SEMA3F: variants seen among roughly 807,000 people sequenced by gnomAD.
SEMA3F encodes the protein semaphorin 3F.
Under a neutral mutation model 98.5 loss-of-function variants are expected in SEMA3F, and 30 were observed. That is an observed-to-expected ratio of 0.30 (90% CI 0.23 to 0.41). SEMA3F has a LOEUF of 0.41. Ranked by LOEUF, SEMA3F falls within the 10% of genes least tolerant of loss-of-function variation. SEMA3F has a pLI of 1.00. For missense variants in SEMA3F, 866 were observed against 1,119.3 expected (o/e 0.77, Z 3.23); for synonymous variants, 380 against 444.8 (o/e 0.85, Z 1.83).
chr3:50,186,090 G>C, intron 16 of SEMA3F, 44 bp downstream of exon 16: 1 of 1,572,732 alleles, frequency 6.4e-7, no homozygotes, highest in Non-Finnish European at 8.7e-7. Flanking sequence ...CCAGTCCCAG[G>C]GCCCTATCCT....
In SEMA3F at chr3:50,188,050, C is replaced by T. The variant is rs772622323; in HGVS notation, c.2293C>T (p.Arg765Trp). ...PSPREAPGAP[R>W]SPEPQDQKKP... The stretch of plus-strand genomic sequence containing the variant: ...CCCCAGGGAGGCTCCAGGGGCACCC[C>T]GGTCTCCTGAGCCCCAGGACCAGAA... The change falls in exon 19 of 19, where the codon CGG becomes TGG. Residue 765 changes from arginine to tryptophan, a missense_variant. Arg to Trp is a moderately radical substitution (Grantham distance 101, BLOSUM62 -3). Around this residue, in one of 3 missense-constraint regions of SEMA3F, gnomAD observed 245 missense variants for 260.5 expected, o/e 0.94. Transcript: ENST00000002829. The surrounding 1 kb of genome is among the most constrained non-coding windows in gnomAD (Gnocchi z 4.5). 8.8e-6 allele frequency: 14 copies of T among 1,587,048 alleles called. No homozygotes were observed. Among genetic ancestry groups the T allele is most frequent in the African/African-American group, 1.4e-5 (1 of 74,044 alleles).
chr3:50,174,143 A>T (rs1559728479), intron 4 of SEMA3F, 29 bp downstream of exon 4: 1 of 1,613,966 alleles, frequency 6.2e-7, no homozygotes, highest in Non-Finnish European at 8.5e-7. Context: ...ACAGGTGGGA[A>T]GGGGGAATCC....
chr3:50,160,076 CG>C (rs920704387), intron 2 of SEMA3F, among the ~76,000 whole-genome samples: 1 of 152,134 alleles, frequency 6.6e-6, no homozygotes, highest in African/African-American at 2.4e-5. Flanking sequence ...ATGTCTGCTG[CG>C]GCCCCTCCTT....
At chr3:50,169,336 A>G (rs916828805) in intron 2 of SEMA3F, among the ~76,000 whole-genome samples, 1 of 152,040 alleles carries the variant, frequency 6.6e-6, no homozygotes, top group Admixed American at 6.5e-5. Context: ...GTGCCTTGAG[A>G]AGGTCCTGCC....
Position 50,156,440 on chromosome 3 carries a change from G to C in SEMA3F, c.-49+876G>C, listed in dbSNP as rs1697987607. ...GCCACCAGAACATTACTGCTTGGGA[G>C]AGGTAAGGGAGACGCCAACCAAAGA... On this transcript the variant is annotated intron_variant, in intron 1 of 18. Transcript: ENST00000002829. This position sits in a 1 kb window ranked among gnomAD's most constrained non-coding sequence, Gnocchi z 4.5. Among the ~76,000 whole-genome samples the C allele has an allele frequency of 1.3e-5, 2 of 152,250 alleles. No homozygotes were observed. The highest frequency in any genetic ancestry group is 6.5e-5 in the Admixed American group (1 of 15,292).
intron 2 of SEMA3F, among the ~76,000 whole-genome samples, chr3:50,168,479 A>G (rs1424670446): frequency 6.6e-6 from 1 of 152,084 alleles, no homozygotes; most frequent in Non-Finnish European, 1.5e-5. Flanking sequence ...TGGCCTGATC[A>G]GGGTGGCGTT....
At position 50,176,864 on chromosome 3, in the gene SEMA3F, G is replaced by A; in HGVS notation, c.643+3G>A. ...GGACACAGCATCGGCCCTCATCAGT[G>A]AGTGCCCCCCAACCCCGCTCTACAG... On this transcript the variant is annotated splice_donor_region_variant and intron_variant, in intron 7 of 18. Transcript: ENST00000002829. 5 of 1,611,814 alleles carry A rather than the reference G, an allele frequency of 3.1e-6. No individual in the cohort carries two copies. The highest frequency in any genetic ancestry group is 3.4e-6 in the Non-Finnish European group (4 of 1,178,300).
At chr3:50,168,291 A>G (rs889381440) in intron 2 of SEMA3F, among the ~76,000 whole-genome samples, 3 of 151,880 alleles carry the variant, frequency 2.0e-5, no homozygotes, top group Non-Finnish European at 4.4e-5. Flanking sequence ...TCCCATCCAG[A>G]GCATAGGGGG....
intron 16 of SEMA3F, 37 bp from the exon 17 acceptor site, chr3:50,186,244 T>G (rs1699206487): frequency 3.1e-6 from 5 of 1,605,440 alleles, no homozygotes; most frequent in Non-Finnish European, 4.3e-6. Flanking sequence ...GGGGCAAGCT[T>G]CCTGGGAGCA....
chr3:50,166,401 A>G lies in SEMA3F; in HGVS notation c.112+6667A>G, dbSNP rs1418633223. ...TCCAAGGCTGAGTGGCTAGCACTCC[A>G]GGGGGCCTCTCCCAGGGCTGCCTGT... is the stretch of plus-strand genomic sequence containing the variant. On this transcript the variant is annotated intron_variant, in intron 2 of 18. Transcript: ENST00000002829. This position sits in a 1 kb window ranked among gnomAD's most constrained non-coding sequence, Gnocchi z 4.7. Among the ~76,000 whole-genome samples the G allele has an allele frequency of 6.6e-6, 1 of 152,208 alleles. No homozygotes were observed. The highest frequency in any genetic ancestry group is 1.5e-5 in the Non-Finnish European group (1 of 68,042).
At chr3:50,157,933 C>T (rs547863183) in intron 1 of SEMA3F, among the ~76,000 whole-genome samples, 56 of 152,314 alleles carry the variant, frequency 3.7e-4, no homozygotes, top group Non-Finnish European at 6.9e-4. Context: ...GGGACTCAGA[C>T]GGCATCTTGC....
chr3:50,174,661 G>A (rs1463537511), intron 5 of SEMA3F, among the ~76,000 whole-genome samples: 2 of 152,254 alleles, frequency 1.3e-5, no homozygotes, highest in Admixed American at 6.5e-5. Flanking sequence ...CCTGTGGACC[G>A]TGCCCCGACG....
chr3:50,184,912 A>G, intron 13 of SEMA3F, 98 bp downstream of exon 13: 2 of 811,940 alleles, frequency 2.5e-6, no homozygotes, highest in Non-Finnish European at 4.0e-6. Context: ...GCTTGCTGCA[A>G]GCTCATCAGA....
intron 2 of SEMA3F, among the ~76,000 whole-genome samples, chr3:50,171,561 G>A (rs772005402): frequency 2.0e-5 from 3 of 152,090 alleles, no homozygotes; most frequent in Non-Finnish European, 4.4e-5. Flanking sequence ...GGGCATGACC[G>A]AGCCATGCCC....
chr3:50,178,805 A>C (rs1366649335), intron 7 of SEMA3F, among the ~76,000 whole-genome samples: 7 of 146,490 alleles, frequency 4.8e-5, no homozygotes, highest in Non-Finnish European at 1.0e-4. Context: ...GCTCAGGCAG[A>C]GTAGATTTTG....
chr3:50,172,382 T>G (rs1575390664), intron 2 of SEMA3F, among the ~76,000 whole-genome samples: 1 of 152,074 alleles, frequency 6.6e-6, no homozygotes, highest in African/African-American at 2.4e-5. Context: ...AGAGGGGGCT[T>G]GCCAAGGGGA....
intron 16 of SEMA3F, 55 bp downstream of exon 16, chr3:50,186,101 A>G (rs1699200582): frequency 1.9e-6 from 3 of 1,553,998 alleles, no homozygotes. Context: ...GCCCTATCCT[A>G]GGGGATTGGG....
In SEMA3F at chr3:50,182,621, C is replaced by G; in HGVS notation, c.764-23C>G. ...GGCACCATCAGAGTAGGGGCTCACC[C>G]AGCTGACCCCTGCCACCTGCAGACC... is the stretch of plus-strand genomic sequence containing the variant. On this transcript the variant is annotated intron_variant, in intron 8 of 18. Coordinates refer to ENST00000002829, the MANE Select transcript of SEMA3F (RefSeq NM_004186.5). The surrounding 1 kb of genome is among the most constrained non-coding windows in gnomAD (Gnocchi z 4.5). 2 of 1,607,776 alleles carry G rather than the reference C, an allele frequency of 1.2e-6. No homozygotes were observed. The highest frequency in any genetic ancestry group is 1.7e-6 in the Non-Finnish European group (2 of 1,175,596).
intron 1 of SEMA3F, among the ~76,000 whole-genome samples, chr3:50,157,007 G>C (rs1001463901): frequency 6.6e-6 from 1 of 152,070 alleles, no homozygotes; most frequent in African/African-American, 2.4e-5. Flanking sequence ...TCTTGTTGAA[G>C]TGGGGGAGGG....
Sources: allele counts gnomAD v4.1 joint callset (sites outside exome capture counted in the v4.1 genomes callset), GRCh38; gene constraint gnomAD v4.1.1; regional missense constraint gnomAD v4.1.1; non-coding constraint Gnocchi (gnomAD v3.1); transcripts MANE v1.5; gene names NCBI Gene and HGNC (gene_info 2026-07-23, HGNC 2026-07-21).